Variants in MSRA observed in about 807,000 individuals in gnomAD.
MSRA encodes the protein methionine sulfoxide reductase A.
In MSRA, 54 loss-of-function variants were observed where a neutral mutation model predicts 31.3. That is an observed-to-expected ratio of 1.73 (90% CI 1.39 to 2.17). The LOEUF (loss-of-function observed/expected upper bound fraction) is 2.17, where lower values mean the gene tolerates loss of function less well. Ranked by LOEUF, MSRA falls within the 30% of genes most tolerant of loss-of-function variation. The pLI is 0.00. For synonymous variants in MSRA, 169 were observed against 116.5 expected, an observed-to-expected ratio of 1.45 and a Z score of -2.90; for missense variants, 507 against 300.9, an observed-to-expected ratio of 1.69 and a Z score of -5.07.
At chr8:10,336,236 G>T (rs11986902) in intron 5 of MSRA, among the ~76,000 whole-genome samples, 2,761 of 152,132 alleles carry the variant, frequency 0.018, 91 homozygotes, top group African/African-American at 0.059. Flanking sequence ...TAATAAAATA[G>T]CAAGATTTAG....
intron 1 of MSRA, among the ~76,000 whole-genome samples, chr8:10,077,698 C>T (rs187569630): frequency 5.9e-4 from 90 of 152,048 alleles, no homozygotes; most frequent in African/African-American, 1.8e-3. Context: ...CTCCCTCGCT[C>T]GCTTTCTGAG....
At chr8:10,307,237 GCTTACTGCAA>G (rs1217541323) in intron 4 of MSRA, among the ~76,000 whole-genome samples, 3 of 151,034 alleles carry the variant, frequency 2.0e-5, no homozygotes, top group African/African-American at 7.3e-5. Flanking sequence ...GGCACAATTG[GCTTACTGCAA>G]CTTCTGCCTC....
At chr8:10,101,016 A>T (rs190723295) in intron 1 of MSRA, among the ~76,000 whole-genome samples, 1 of 152,340 alleles carries the variant, frequency 6.6e-6, no homozygotes, top group African/African-American at 2.4e-5. Context: ...TGAAAAGATC[A>T]AATTGTTCTC....
intron 5 of MSRA, among the ~76,000 whole-genome samples, chr8:10,394,377 C>T (rs1340152532): frequency 6.6e-6 from 1 of 152,202 alleles, no homozygotes; most frequent in Non-Finnish European, 1.5e-5. Flanking sequence ...GCCACCCCAC[C>T]CCAGCTTTTC....
At chr8:10,127,288 T>C (rs1445049355) in intron 1 of MSRA, among the ~76,000 whole-genome samples, 1 of 152,224 alleles carries the variant, frequency 6.6e-6, no homozygotes, top group Non-Finnish European at 1.5e-5. Context: ...AAGGTCTGTT[T>C]GCAAAAATTC....
intron 1 of MSRA, among the ~76,000 whole-genome samples, chr8:10,076,520 G>C (rs943471151): frequency 2.6e-5 from 4 of 152,184 alleles, no homozygotes; most frequent in African/African-American, 9.7e-5. Flanking sequence ...CTCTCAAAAT[G>C]ACTCTTGATG....
rs546520781 is a variant in MSRA at position 10,179,206 on chromosome 8, A to C, written c.143-28627A>C. ...CTCTATAGTAATGTGATAAGACAGA[A>C]TCATCATCTATTTTTTAACATATAG... On this transcript the variant is annotated intron_variant, in intron 1 of 5. Transcript: ENST00000317173. Among the ~76,000 whole-genome samples the C allele has an allele frequency of 4.8e-4, 73 of 152,282 alleles. 1 individual carries two copies. The South Asian group carries it at 0.015, about 31-fold the overall frequency.
intron 1 of MSRA, among the ~76,000 whole-genome samples, chr8:10,151,048 A>G (rs548247932): frequency 7.9e-4 from 120 of 151,948 alleles, no homozygotes; most frequent in African/African-American, 2.8e-3. Flanking sequence ...CATGGTGATA[A>G]TTCACAACAT....
intron 3 of MSRA, among the ~76,000 whole-genome samples, chr8:10,278,617 A>G (rs1366073770): frequency 1.3e-5 from 2 of 152,202 alleles, no homozygotes; most frequent in Non-Finnish European, 2.9e-5. Flanking sequence ...GTCTGCTCAC[A>G]TTCTTGGGAG....
At chr8:10,221,387 C>A (rs12541192) in intron 2 of MSRA, among the ~76,000 whole-genome samples, 30,924 of 151,432 alleles carry the variant, frequency 0.2, 3,731 homozygotes, top group Admixed American at 0.33. Flanking sequence ...CCCAGCTTTT[C>A]CATGTCTATA....
chr8:10,124,698 T>C (rs1024059328), intron 1 of MSRA, among the ~76,000 whole-genome samples: 7 of 152,236 alleles, frequency 4.6e-5, no homozygotes, highest in African/African-American at 1.4e-4. Context: ...TATCCACTTA[T>C]CTTTCCTGAA....
intron 1 of MSRA, among the ~76,000 whole-genome samples, chr8:10,066,210 C>T (rs1468333711): frequency 6.6e-6 from 1 of 152,056 alleles, no homozygotes; most frequent in Non-Finnish European, 1.5e-5. Flanking sequence ...TGGTCTTGAA[C>T]TCCTGACCTC....
chr8:10,352,331 A>G (rs991365949), intron 5 of MSRA, among the ~76,000 whole-genome samples: 3 of 152,204 alleles, frequency 2.0e-5, no homozygotes, highest in South Asian at 2.1e-4. Flanking sequence ...TGTGTACCCT[A>G]TGAGAAATGT....
At chr8:10,420,323 G>A (rs1808732894) in intron 5 of MSRA, among the ~76,000 whole-genome samples, 1 of 149,444 alleles carries the variant, frequency 6.7e-6, no homozygotes, top group South Asian at 2.2e-4. Flanking sequence ...TTTCCTATTT[G>A]TATTTTTATT....
intron 5 of MSRA, among the ~76,000 whole-genome samples, chr8:10,406,016 G>A (rs1190739165): frequency 6.6e-6 from 1 of 152,254 alleles, no homozygotes; most frequent in African/African-American, 2.4e-5. Flanking sequence ...TCCAGGGTAG[G>A]GCTGCCTGCA....
At chr8:10,143,870 C>T (rs1802913838) in intron 1 of MSRA, among the ~76,000 whole-genome samples, 2 of 152,136 alleles carry the variant, frequency 1.3e-5, no homozygotes, top group Non-Finnish European at 2.9e-5. Flanking sequence ...TTGGAGCAGC[C>T]GACTTTTTCT....
chr8:10,258,674 C>A (rs1461460265), intron 3 of MSRA, among the ~76,000 whole-genome samples: 4 of 152,210 alleles, frequency 2.6e-5, no homozygotes, highest in Admixed American at 6.5e-5. Flanking sequence ...CAAAGTCTCT[C>A]CTAAGTTCTG....
intron 2 of MSRA, among the ~76,000 whole-genome samples, chr8:10,213,941 C>G (rs971621218): frequency 1.5e-4 from 23 of 152,084 alleles, no homozygotes; most frequent in African/African-American, 5.6e-4. Flanking sequence ...AGTGAGAAAC[C>G]TTAATGTTGA....
At chr8:10,086,124 A>G (rs1283213138) in intron 1 of MSRA, among the ~76,000 whole-genome samples, 1 of 152,222 alleles carries the variant, frequency 6.6e-6, no homozygotes, top group Non-Finnish European at 1.5e-5. Flanking sequence ...AGAAACTGCT[A>G]AACTGTTTAT....
Sources: gnomAD v4.1 joint callset for allele counts (sites outside exome capture counted in the v4.1 genomes callset) on GRCh38, gnomAD v4.1.1 for gene constraint, MANE v1.5 for transcripts, NCBI Gene and HGNC (gene_info 2026-07-23, HGNC 2026-07-21) for gene names.